Variants in PRUNE2 observed in about 807,000 individuals in gnomAD.
PRUNE2 encodes prune homolog 2 with BCH domain.
In PRUNE2, 164 loss-of-function variants were observed where a neutral mutation model predicts 252.0. The observed-to-expected ratio is 0.65, with a 90% CI of 0.57 to 0.74. The LOEUF (loss-of-function observed/expected upper bound fraction) is 0.74, where lower values mean the gene tolerates loss of function less well. PRUNE2 is among the 30% of genes least tolerant of loss of function. The pLI is 0.00. For missense variants in PRUNE2, 3,495 were observed against 3,711.0 expected (o/e 0.94, Z 1.51); for synonymous variants, 1,292 against 1,350.2 (o/e 0.96, Z 0.94).
chr9:76,660,781 C>CAAAAAAAAAAAAAA (rs11432174), intron 9 of PRUNE2, among the ~76,000 whole-genome samples: 3 of 101,028 alleles, frequency 3.0e-5, no homozygotes, highest in African/African-American at 4.0e-5. Flanking sequence ...GACTCTGAAT[C>CAAAAAAAAAAAAAA]AAAAAAAAAA....
Position 76,642,013 on chromosome 9 carries a change from A to G in PRUNE2, c.8728+2726T>C, listed in dbSNP as rs181679619. 5,273 of 1,372,936 alleles carry G rather than the reference A, an allele frequency of 3.8e-3. 24 individuals are homozygous for G. Among genetic ancestry groups the G allele is most frequent in the African/African-American group, 0.013 (862 of 67,452 alleles). The allele number at this position is 1,372,936 out of a possible 1,614,324, so 85.0% of individuals were successfully genotyped here. ...GAAATAAGAGAAGTAAAAAAAAAAA[A>G]AAAAGAAAAGAAAAAGAAAAGAAAC... On this transcript the variant is annotated intron_variant, in intron 12 of 18. Transcript: ENST00000376718.
At chr9:76,837,576 A>G (rs1220292284) in intron 4 of PRUNE2, among the ~76,000 whole-genome samples, 1 of 151,780 alleles carries the variant, frequency 6.6e-6, no homozygotes, top group African/African-American at 2.4e-5. Flanking sequence ...GGAAAAGGAT[A>G]GAGCAGGGGT....
intron 1 of PRUNE2, among the ~76,000 whole-genome samples, chr9:76,884,643 T>A (rs1051125989): frequency 6.6e-6 from 1 of 152,218 alleles, no homozygotes; most frequent in Non-Finnish European, 1.5e-5. Context: ...CATTTTCTCC[T>A]TTCTCTGTGG....
At chr9:76,785,276 A>C (rs1413010146) in intron 6 of PRUNE2, 1 of 152,232 alleles carries the variant, frequency 6.6e-6, no homozygotes, top group Non-Finnish European at 1.5e-5. Context: ...ATCTTACTTC[A>C]TGCAAAGAAG....
At chr9:76,757,625 T>G (rs918856875) in intron 6 of PRUNE2, among the ~76,000 whole-genome samples, 1 of 152,150 alleles carries the variant, frequency 6.6e-6, no homozygotes, top group Admixed American at 6.5e-5. Flanking sequence ...GAGGAAGAAT[T>G]TATTAATGAA....
rs985261899 is a variant in PRUNE2 at position 76,693,951 on chromosome 9, T to C, written c.8276+9386A>G. ...TTGCAGGGTCACTGGCTGTCAGAGG[T>C]TCAGCAAAAGCATGGGTGAATTTTC... is the stretch of plus-strand genomic sequence containing the variant. On this transcript the variant is annotated intron_variant, in intron 9 of 18. Coordinates refer to ENST00000376718, the MANE Select transcript of PRUNE2 (RefSeq NM_015225.3). 2.0e-5 allele frequency among the ~76,000 whole-genome samples: 3 copies of C among 151,700 alleles called. No individual in the cohort carries two copies. The South Asian group carries it at 6.3e-4, about 32-fold the overall frequency.
At chr9:76,867,221 A>G (rs11145109) in intron 1 of PRUNE2, among the ~76,000 whole-genome samples, 27,736 of 53,620 alleles carry the variant, frequency 0.52, 5,726 homozygotes, top group African/African-American at 0.66. Context: ...CGCCCCCGCC[A>G]GCAGGTGTTT....
chr9:76,715,941 T>C (rs935789575), intron 6 of PRUNE2, among the ~76,000 whole-genome samples: 5 of 152,224 alleles, frequency 3.3e-5, no homozygotes, highest in African/African-American at 1.2e-4. Context: ...AACTGAAGGC[T>C]TCAGCACAAT....
intron 9 of PRUNE2, among the ~76,000 whole-genome samples, chr9:76,662,629 A>C (rs998663295): frequency 6.6e-6 from 1 of 152,172 alleles, no homozygotes; most frequent in African/African-American, 2.4e-5. Flanking sequence ...TCTAGATGGT[A>C]ATGTTTCCTG....
At chr9:76,617,798 AAAG>A (rs1830401651) in intron 18 of PRUNE2, among the ~76,000 whole-genome samples, 1 of 152,212 alleles carries the variant, frequency 6.6e-6, no homozygotes, top group Admixed American at 6.5e-5. Context: ...CAAGGCAAGC[AAAG>A]AAGTGGGTAA....
At chr9:76,774,469 T>TA (rs1172601108) in intron 6 of PRUNE2, among the ~76,000 whole-genome samples, 23 of 140,096 alleles carry the variant, frequency 1.6e-4, no homozygotes, top group East Asian at 4.2e-4. Context: ...TTTTTTTTTT[T>TA]TTTTTTTTGA....
At chr9:76,723,838 C>G (rs1370250591) in intron 6 of PRUNE2, among the ~76,000 whole-genome samples, 2 of 142,924 alleles carry the variant, frequency 1.4e-5, no homozygotes, top group African/African-American at 2.7e-5. Flanking sequence ...GATGGAGTAT[C>G]GCTCTGTCGC....
chr9:76,666,773 T>G (rs897743573), intron 9 of PRUNE2, among the ~76,000 whole-genome samples: 5 of 152,208 alleles, frequency 3.3e-5, no homozygotes, highest in African/African-American at 4.8e-5. Context: ...GTCTTGTGTC[T>G]TTATTTCTGC....
At chr9:76,690,451 GAACCTATGTGCA>G (rs971760197) in intron 9 of PRUNE2, among the ~76,000 whole-genome samples, 1 of 152,196 alleles carries the variant, frequency 6.6e-6, no homozygotes, top group Non-Finnish European at 1.5e-5. Flanking sequence ...TCAGGTACCT[GAACCTATGTGCA>G]AACCCTGCAC....
Position 76,624,442 on chromosome 9 carries a change from C to G in PRUNE2, c.9188+10G>C, listed in dbSNP as rs7033306. ...ATCATGCCAGCCGCTAAACGAAAACCAAGTCTTACTTAGCTGCCTCTGATG... is the reference window on the plus strand; with the variant it reads ...ATCATGCCAGCCGCTAAACGAAAACGAAGTCTTACTTAGCTGCCTCTGATG... On this transcript the variant is annotated intron_variant, in intron 17 of 18. Coordinates refer to ENST00000376718, the MANE Select transcript of PRUNE2 (RefSeq NM_015225.3). The G allele has an allele frequency of 2.1e-6, 3 of 1,412,236 alleles. No individual in the cohort carries two copies. Among genetic ancestry groups the G allele is most frequent in the Non-Finnish European group, 2.8e-6 (3 of 1,076,396 alleles). The allele number at this position is 1,412,236 out of a possible 1,614,324, so 87.5% of individuals were successfully genotyped here.
chr9:76,707,706 G>C lies in PRUNE2; in HGVS notation c.4568C>G (p.Pro1523Arg). The change falls in exon 8 of 19, where the codon CCA becomes CGA. Residue 1523 changes from proline to arginine, a missense_variant. By Grantham distance (103) the Pro-to-Arg change is moderately radical (BLOSUM62 -2). Coordinates refer to ENST00000376718, the MANE Select transcript of PRUNE2 (RefSeq NM_015225.3). ...LDVKGSENSL[P>R]GAGSSGNFDR... Reference sequence around the variant, plus strand: ...AAAATTTCCAGACGAACCGGCTCCTGGAAGGCTATTTTCAGACCCCTTAAC... The same window carrying C: ...AAAATTTCCAGACGAACCGGCTCCTCGAAGGCTATTTTCAGACCCCTTAAC... The C allele has an allele frequency of 6.2e-7, 1 of 1,613,788 alleles. No individual in the cohort carries two copies. Among genetic ancestry groups the C allele is most frequent in the South Asian group, 1.1e-5 (1 of 91,060 alleles).
chr9:76,777,898 G>A (rs1027538872), intron 6 of PRUNE2, among the ~76,000 whole-genome samples: 4 of 152,168 alleles, frequency 2.6e-5, no homozygotes, highest in African/African-American at 4.8e-5. Flanking sequence ...TCAGAGAGGG[G>A]ACAGCAGGTA....
chr9:76,881,991 G>A (rs889329728), intron 1 of PRUNE2, among the ~76,000 whole-genome samples: 5 of 151,972 alleles, frequency 3.3e-5, no homozygotes, highest in African/African-American at 1.2e-4. Flanking sequence ...CTTTCACTTT[G>A]CATAATGTTT....
chr9:76,782,284 C>T (rs995571476), intron 6 of PRUNE2, among the ~76,000 whole-genome samples: 1 of 152,158 alleles, frequency 6.6e-6, no homozygotes, highest in Non-Finnish European at 1.5e-5. Flanking sequence ...AGAAGTGACA[C>T]AACTCTCAGA....
Sources: gnomAD v4.1 joint callset for allele counts (sites outside exome capture counted in the v4.1 genomes callset) on GRCh38, gnomAD v4.1.1 for gene constraint, MANE v1.5 for transcripts, NCBI Gene and HGNC (gene_info 2026-07-23, HGNC 2026-07-21) for gene names.